GRB2: variants seen among roughly 807,000 people sequenced by gnomAD.
GRB2 encodes growth factor receptor-bound protein 2.
A neutral mutation model predicts 27.4 loss-of-function variants in GRB2; 2 were observed. The observed-to-expected ratio is 0.07, with a 90% CI of 0.03 to 0.23. GRB2 has a LOEUF of 0.23. Ranked by LOEUF, GRB2 falls within the 10% of genes least tolerant of loss-of-function variation. The pLI is 1.00. For synonymous variants in GRB2, 94 were observed against 99.6 expected (o/e 0.94, Z 0.33); for missense variants, 102 against 282.4 (o/e 0.36, Z 4.58).
At chr17:75,395,955 A>C (rs1288455866) in intron 1 of GRB2, among the ~76,000 whole-genome samples, 2 of 149,540 alleles carry the variant, frequency 1.3e-5, no homozygotes, top group Non-Finnish European at 3.0e-5. Flanking sequence ...CGATCCTCCT[A>C]CCTCGGCCTG....
At chr17:75,345,435 A>G (rs564113848) in intron 2 of GRB2, among the ~76,000 whole-genome samples, 5 of 152,166 alleles carry the variant, frequency 3.3e-5, no homozygotes, top group Non-Finnish European at 7.4e-5. Flanking sequence ...GTGACCCAAG[A>G]GCCACCTCAG....
At chr17:75,325,242 A>C (rs183618914) in intron 4 of GRB2, among the ~76,000 whole-genome samples, 8 of 151,056 alleles carry the variant, frequency 5.3e-5, no homozygotes, top group African/African-American at 1.7e-4. Context: ...GGGTCCTATG[A>C]TAATACATTA....
At chr17:75,342,476 C>T (rs55771008) in intron 2 of GRB2, among the ~76,000 whole-genome samples, 6,614 of 150,250 alleles carry the variant, frequency 0.044, 230 homozygotes, top group Non-Finnish European at 0.063. Flanking sequence ...TCATATGATG[C>T]CCCGGCTGTT....
chr17:75,387,269 C>T (rs952513533), intron 2 of GRB2, among the ~76,000 whole-genome samples: 2 of 151,650 alleles, frequency 1.3e-5, no homozygotes, highest in Non-Finnish European at 2.9e-5. Context: ...ACTAACCTGG[C>T]CAACATGGTG....
rs115399334 is a variant in GRB2, at chr17:75,396,737, A to G, written c.-137-2972T>C. Among the ~76,000 whole-genome samples, 532 of 152,274 alleles carry G rather than the reference A, an allele frequency of 3.5e-3. 1 individual carries two copies. The highest frequency in any genetic ancestry group is 0.012 in the African/African-American group (494 of 41,532). On this transcript the variant is annotated intron_variant, in intron 1 of 5. Transcript: ENST00000316804. Reference sequence around the variant, plus strand: ...TGCTCCAAAATCTCTCCTACTATCAAGATTTTCCTCAGCCTATTTATTTTA... The same window carrying G: ...TGCTCCAAAATCTCTCCTACTATCAGGATTTTCCTCAGCCTATTTATTTTA...
intron 2 of GRB2, among the ~76,000 whole-genome samples, chr17:75,346,162 AT>A (rs67737628): frequency 0.28 from 37,365 of 134,044 alleles, 6,319 homozygotes; most frequent in African/African-American, 0.5. Flanking sequence ...TCGGCCACTG[AT>A]TTTTTTTTTT....
intron 2 of GRB2, among the ~76,000 whole-genome samples, chr17:75,390,998 A>C (rs1432085162): frequency 3.3e-5 from 5 of 152,336 alleles, no homozygotes; most frequent in Admixed American, 3.3e-4. Flanking sequence ...ATTCAAATGA[A>C]GCCAGTTTAC....
intron 2 of GRB2, among the ~76,000 whole-genome samples, chr17:75,353,055 G>A (rs1276811771): frequency 4.0e-5 from 6 of 151,722 alleles, no homozygotes; most frequent in African/African-American, 1.5e-4. Context: ...CGTGCTGGCG[G>A]GCACCTGTAG....
intron 4 of GRB2, among the ~76,000 whole-genome samples, chr17:75,324,874 A>G (rs1289926747): frequency 6.6e-6 from 1 of 152,028 alleles, no homozygotes; most frequent in Non-Finnish European, 1.5e-5. Context: ...TCAGGAGTTC[A>G]AGACCAGCCT....
At chr17:75,365,028 T>A (rs1462801815) in intron 2 of GRB2, among the ~76,000 whole-genome samples, 1 of 152,326 alleles carries the variant, frequency 6.6e-6, no homozygotes. Flanking sequence ...CCCAAACTTC[T>A]AATGGCAGAC....
chr17:75,340,323 C>A (rs995409753), intron 2 of GRB2, among the ~76,000 whole-genome samples: 2 of 152,200 alleles, frequency 1.3e-5, no homozygotes, highest in African/African-American at 4.8e-5. Flanking sequence ...TTGGTCCCTG[C>A]AGTGCAGAAA....
intron 2 of GRB2, among the ~76,000 whole-genome samples, chr17:75,387,336 A>T (rs945838930): frequency 3.3e-5 from 5 of 151,898 alleles, no homozygotes; most frequent in Admixed American, 6.6e-5. Flanking sequence ...ACGTGCCTGT[A>T]GTCCCAGCTA....
chr17:75,335,078 A>G (rs1442716228), intron 2 of GRB2, among the ~76,000 whole-genome samples: 1 of 152,132 alleles, frequency 6.6e-6, no homozygotes, highest in East Asian at 1.9e-4. Flanking sequence ...TGTTGAGATT[A>G]CAGGTGTGAG....
rs2078451932 is a variant in GRB2, at chr17:75,320,595, T to A, written c.469-42A>T. On this transcript the variant is annotated intron_variant, in intron 5 of 5. Transcript: ENST00000316804. This position sits in a 1 kb window ranked among gnomAD's most constrained non-coding sequence, Gnocchi z 4.3. Reference sequence around the variant, plus strand: ...GGAAAAACCCACATTGCATTCCTGGTCTGTGACTGGCCACCTCCGAGGCCA... The same window carrying A: ...GGAAAAACCCACATTGCATTCCTGGACTGTGACTGGCCACCTCCGAGGCCA... 1 of 1,533,622 alleles carries A rather than the reference T, an allele frequency of 6.5e-7. No homozygotes were observed. The highest frequency in any genetic ancestry group is 1.7e-5 in the Admixed American group (1 of 59,224).
rs540674183 is a variant in GRB2, at chr17:75,381,465, T to C, written c.78+12086A>G. Among the ~76,000 whole-genome samples the C allele has an allele frequency of 3.3e-5, 5 of 152,064 alleles. No individual in the cohort carries two copies. The South Asian group carries it at 1.0e-3, about 32-fold the overall frequency. ...AGATACGGCTGGGTACAGTGGCTCA[T>C]CCCAGCACTTTGAGAGGCTGAGGCG... On this transcript the variant is annotated intron_variant, in intron 2 of 5. Transcript: ENST00000316804.
rs530156269 is a variant in GRB2 at position 75,321,004 on chromosome 17, C to T, written c.469-451G>A. Among the ~76,000 whole-genome samples the T allele has an allele frequency of 2.4e-4, 36 of 152,150 alleles. No individual in the cohort carries two copies. In the South Asian group the frequency reaches 5.6e-3, roughly 24 times the overall value. The stretch of plus-strand genomic sequence containing the variant: ...ACGACCAGGGCTCGAGGGACAGGAA[C>T]GGGTGCCGACCCCATTCCCTCACAA... On this transcript the variant is annotated intron_variant, in intron 5 of 5. Transcript: ENST00000316804.
At chr17:75,331,786 A>G (rs1187355701) in intron 3 of GRB2, among the ~76,000 whole-genome samples, 1 of 152,216 alleles carries the variant, frequency 6.6e-6, no homozygotes, top group Admixed American at 6.5e-5. Flanking sequence ...TCACAGAAAA[A>G]GTTTAGCCAA....
intron 2 of GRB2, among the ~76,000 whole-genome samples, chr17:75,346,066 G>A (rs552005356): frequency 2.6e-5 from 4 of 152,248 alleles, no homozygotes; most frequent in Middle Eastern, 6.8e-3. Flanking sequence ...GGGTGGGGCA[G>A]TGCGGTAGAG....
intron 2 of GRB2, among the ~76,000 whole-genome samples, chr17:75,363,753 G>A (rs1257750691): frequency 4.6e-5 from 7 of 151,260 alleles, no homozygotes; most frequent in South Asian, 2.1e-4. Flanking sequence ...CCAGCTACTC[G>A]GGAGGCTGAG....
Sources: gnomAD v4.1 joint callset for allele counts (sites outside exome capture counted in the v4.1 genomes callset) on GRCh38, gnomAD v4.1.1 for gene constraint, Gnocchi (gnomAD v3.1) non-coding constraint, MANE v1.5 for transcripts, NCBI Gene and HGNC (gene_info 2026-07-23, HGNC 2026-07-21) for gene names.